Variants in VRK2 observed in about 807,000 individuals in gnomAD.
The protein encoded by VRK2 is VRK serine/threonine kinase 2, also known as serine/threonine-protein kinase VRK2.
VRK2 carries 60 observed loss-of-function variants against 57.6 expected under a neutral mutation model. That is an observed-to-expected ratio of 1.04 (90% CI 0.85 to 1.29). The LOEUF (loss-of-function observed/expected upper bound fraction) is 1.29, where lower values mean the gene tolerates loss of function less well. VRK2 is among the 50% of genes most tolerant of loss of function. The probability of loss-of-function intolerance (pLI) is 0.00; values close to 1 mark genes in which losing one functional copy is unlikely to be tolerated. For synonymous variants in VRK2, 231 were observed against 199.2 expected (o/e 1.16, Z -1.35); for missense variants, 705 against 588.1 (o/e 1.20, Z -2.06).
chr2:58,007,421 C>A (rs563588445), intron 1 of VRK2, among the ~76,000 whole-genome samples: 1 of 151,784 alleles, frequency 6.6e-6, no homozygotes, highest in African/African-American at 2.4e-5. Context: ...TCTTCCAGCC[C>A]GAGACAGCAA....
intron 1 of VRK2, among the ~76,000 whole-genome samples, chr2:57,959,941 G>A (rs1025762301): frequency 6.6e-6 from 1 of 151,970 alleles, no homozygotes; most frequent in African/African-American, 2.4e-5. Context: ...TTCAGCAGGA[G>A]CAAGGCTGAG....
chr2:58,003,700 G>A (rs908833727), intron 1 of VRK2, among the ~76,000 whole-genome samples: 5 of 152,076 alleles, frequency 3.3e-5, no homozygotes, highest in Non-Finnish European at 5.9e-5. Context: ...AAAAGCAATT[G>A]TTTCTACAAC....
chr2:58,125,052 CAGTA>C (rs1490378827), intron 8 of VRK2, among the ~76,000 whole-genome samples: 5 of 152,178 alleles, frequency 3.3e-5, no homozygotes, highest in African/African-American at 1.2e-4. Context: ...TTTTTAGAAA[CAGTA>C]AGTACTTTTT....
chr2:57,934,232 T>A (rs1161814436), intron 1 of VRK2, among the ~76,000 whole-genome samples: 1 of 152,206 alleles, frequency 6.6e-6, no homozygotes, highest in Admixed American at 6.6e-5. Context: ...GTGAGTTTCA[T>A]ACTTTCATAT....
chr2:58,012,784 T>C (rs562091435), intron 1 of VRK2, among the ~76,000 whole-genome samples: 17 of 152,350 alleles, frequency 1.1e-4, no homozygotes, highest in African/African-American at 3.6e-4. Flanking sequence ...AGACCAAATC[T>C]ATTTTTCATT....
intron 12 of VRK2, among the ~76,000 whole-genome samples, chr2:58,151,731 G>GTTCTTTTTTTTTTTTTTTTT (rs1683068421): frequency 6.0e-5 from 1 of 16,722 alleles, no homozygotes; most frequent in African/African-American, 1.3e-4. Context: ...TTCTATGCTT[G>GTTCTTTTTTTTTTTTTTTTT]TTTTTTTTTT....
chr2:57,960,612 G>T (rs932775835), intron 1 of VRK2, among the ~76,000 whole-genome samples: 1 of 152,136 alleles, frequency 6.6e-6, no homozygotes, highest in Non-Finnish European at 1.5e-5. Context: ...ATGAGTGAGG[G>T]TTCATGGCGT....
intron 1 of VRK2, among the ~76,000 whole-genome samples, chr2:57,986,048 A>G (rs1283580147): frequency 6.6e-6 from 1 of 152,152 alleles, no homozygotes; most frequent in Non-Finnish European, 1.5e-5. Context: ...TAACCTACTT[A>G]AAAAGATTAT....
At chr2:57,959,457 A>G (rs948083152) in intron 1 of VRK2, among the ~76,000 whole-genome samples, 5 of 152,182 alleles carry the variant, frequency 3.3e-5, no homozygotes, top group Admixed American at 2.0e-4. Context: ...CTCTTTGTGA[A>G]CTAATTGGCT....
In VRK2 at chr2:58,155,899, A is replaced by C. The variant is rs1465013009; in HGVS notation, c.1183-3450A>C. 2.0e-5 allele frequency among the ~76,000 whole-genome samples: 3 copies of C among 149,400 alleles called. No homozygotes were observed. The East Asian group carries it at 5.9e-4, about 29-fold the overall frequency. ...GTCCTCCCCCAGGGCTATTGGTTAC[A>C]TAGAGCATGTTTTTCATGTTTGTTT... On this transcript the variant is annotated intron_variant, in intron 12 of 12. Coordinates refer to ENST00000340157, the MANE Select transcript of VRK2 (RefSeq NM_006296.7).
intron 1 of VRK2, among the ~76,000 whole-genome samples, chr2:57,971,000 G>C (rs1451889470): frequency 6.6e-6 from 1 of 151,834 alleles, no homozygotes; most frequent in Non-Finnish European, 1.5e-5. Flanking sequence ...CATCTCTGTA[G>C]TATTATTTAC....
At chr2:58,151,024 A>T (rs925997162) in intron 12 of VRK2, among the ~76,000 whole-genome samples, 3 of 151,676 alleles carry the variant, frequency 2.0e-5, no homozygotes, top group Non-Finnish European at 1.5e-5. Context: ...AATTCACTGA[A>T]ACTTATTTTG....
At chr2:57,945,743 A>G (rs2103966169) in intron 1 of VRK2, among the ~76,000 whole-genome samples, 1 of 152,294 alleles carries the variant, frequency 6.6e-6, no homozygotes, top group East Asian at 1.9e-4. Context: ...GCTCTTGGCA[A>G]TGGGCAGGAA....
chr2:58,127,237 A>G (rs183146639), intron 8 of VRK2, among the ~76,000 whole-genome samples: 1 of 152,198 alleles, frequency 6.6e-6, no homozygotes, highest in East Asian at 1.9e-4. Context: ...TAGCACTCCA[A>G]CTTACAAAAT....
chr2:58,061,019 C>T (rs1213314069), intron 2 of VRK2, among the ~76,000 whole-genome samples: 1 of 151,688 alleles, frequency 6.6e-6, no homozygotes, highest in Non-Finnish European at 1.5e-5. Context: ...AAATGACTTA[C>T]AAGAGATAAA....
chr2:58,124,796 A>G lies in VRK2; in HGVS notation c.676+1563A>G, dbSNP rs3771209. Among the ~76,000 whole-genome samples, 120 of 152,298 alleles carry G rather than the reference A, an allele frequency of 7.9e-4. No individual in the cohort carries two copies. In the East Asian group the frequency reaches 0.022, roughly 28 times the overall value. On this transcript the variant is annotated intron_variant, in intron 8 of 12. Coordinates refer to ENST00000340157, the MANE Select transcript of VRK2 (RefSeq NM_006296.7). ...CATAGGCTTGATTTTCTGAAACGGA[A>G]ATTATCTTTTATATTCCTGATCAAA...
chr2:57,924,668 T>C (rs1282616619), intron 1 of VRK2, among the ~76,000 whole-genome samples: 3 of 152,000 alleles, frequency 2.0e-5, no homozygotes, highest in South Asian at 2.1e-4. Context: ...ATCTGATTTC[T>C]TTCTATCCCA....
intron 2 of VRK2, among the ~76,000 whole-genome samples, chr2:58,071,803 T>A (rs1387492858): frequency 6.6e-6 from 1 of 152,040 alleles, no homozygotes; most frequent in Non-Finnish European, 1.5e-5. Flanking sequence ...AGAATCAATT[T>A]GTTGATATCC....
At chr2:57,910,983 G>A (rs1669968730) in intron 1 of VRK2, among the ~76,000 whole-genome samples, 1 of 151,968 alleles carries the variant, frequency 6.6e-6, no homozygotes, top group Admixed American at 6.6e-5. Context: ...ACAGTATTGG[G>A]GAATGATTTT....
Sources: allele counts gnomAD v4.1 joint callset (sites outside exome capture counted in the v4.1 genomes callset), GRCh38; gene constraint gnomAD v4.1.1; transcripts MANE v1.5; gene names NCBI Gene and HGNC (gene_info 2026-07-23, HGNC 2026-07-21).